GLYATL1: variants seen among roughly 807,000 people sequenced by gnomAD.
The protein encoded by GLYATL1 is glycine-N-acyltransferase like 1, also known as glycine N-acyltransferase-like protein 1.
Under a neutral mutation model 20.0 loss-of-function variants are expected in GLYATL1, and 15 were observed. That is an observed-to-expected ratio of 0.75 (90% confidence interval 0.50 to 1.15). The LOEUF (loss-of-function observed/expected upper bound fraction) is 1.15, where lower values mean the gene tolerates loss of function less well. GLYATL1 is among the 50% of genes most tolerant of loss of function. The pLI is 0.00. For missense variants in GLYATL1, 380 were observed against 368.5 expected, an observed-to-expected ratio of 1.03 and a Z score of -0.26; for synonymous variants, 151 against 131.5, an observed-to-expected ratio of 1.15 and a Z score of -1.01.
At chr11:58,927,178 C>T (rs184662793), upstream of GLYATL1, among the ~76,000 whole-genome samples, 14 of 151,348 alleles carry the variant, frequency 9.3e-5, no homozygotes, top group Admixed American at 9.2e-4. Flanking sequence ...ATGGGCCCTC[C>T]TTAATCTCTC....
intron 1 of GLYATL1, among the ~76,000 whole-genome samples, chr11:58,929,748 AC>A (rs1855532207): frequency 6.6e-6 from 1 of 152,104 alleles, no homozygotes; most frequent in South Asian, 2.1e-4. Context: ...TCATCTAAAG[AC>A]TCATGGGGAC....
At chr11:58,918,102 G>A (rs1262189571) in intron 1 of GLYATL1, among the ~76,000 whole-genome samples, 1 of 152,088 alleles carries the variant, frequency 6.6e-6, no homozygotes, top group East Asian at 1.9e-4. Context: ...CTGATACTTA[G>A]TTAGAGCCAT....
upstream of GLYATL1, among the ~76,000 whole-genome samples, chr11:58,937,190 C>T (rs1855874473): frequency 6.6e-6 from 1 of 152,164 alleles, no homozygotes; most frequent in Admixed American, 6.5e-5. Flanking sequence ...CATCTAAAGC[C>T]ACCAGCAGTG....
At chr11:58,906,475 G>T (rs967302947) in intron 1 of GLYATL1, among the ~76,000 whole-genome samples, 3 of 152,136 alleles carry the variant, frequency 2.0e-5, no homozygotes, top group African/African-American at 4.8e-5. Flanking sequence ...AGTTCCTGGG[G>T]TGTAGTGAGG....
chr11:58,933,380 C>A (rs1855687174), intron 1 of GLYATL1, among the ~76,000 whole-genome samples: 1 of 152,158 alleles, frequency 6.6e-6, no homozygotes, highest in Middle Eastern at 3.2e-3. Context: ...CTAAATGATC[C>A]AAGCCCAGCT....
At chr11:58,938,113 A>G (rs537311671), upstream of GLYATL1, among the ~76,000 whole-genome samples, 31 of 152,356 alleles carry the variant, frequency 2.0e-4, no homozygotes, top group African/African-American at 7.0e-4. Flanking sequence ...ATGCCATGCA[A>G]TATTATTGTT....
Position 58,905,758 on chromosome 11 carries a change from G to GAC in GLYATL1, n.238+97_238+98insAC. Reference sequence around the variant, plus strand: ...ACAAATAGGGAGGGTGGGCGGGTGGGCGCGCAGTCCCCTCGGCCTGGCCGT... The same window carrying GAC: ...ACAAATAGGGAGGGTGGGCGGGTGGGACCGCGCAGTCCCCTCGGCCTGGCCGT... On this transcript the variant is annotated intron_variant and non_coding_transcript_variant, in intron 1 of 1. Coordinates refer to the GLYATL1 transcript ENST00000524629. 2 of 27,562 alleles carry GAC rather than the reference G, an allele frequency of 7.3e-5. 1 individual carries two copies. The allele number at this position is 27,562 out of a possible 1,614,324, so 1.7% of individuals were successfully genotyped here.
upstream of GLYATL1, among the ~76,000 whole-genome samples, chr11:58,936,183 A>C (rs889452019): frequency 6.6e-6 from 1 of 152,256 alleles, no homozygotes; most frequent in African/African-American, 2.4e-5. Context: ...AGCCAGTACC[A>C]GGCTAGAGTG....
intron 4 of GLYATL1, among the ~76,000 whole-genome samples, chr11:58,948,321 C>T (rs1220797563): frequency 6.6e-6 from 1 of 152,078 alleles, no homozygotes; most frequent in Admixed American, 6.5e-5. Context: ...GAAACAGAAA[C>T]CAAGGCATAA....
At chr11:58,907,469 G>A (rs538183330) in exon 2 of GLYATL1, 7 of 299,652 alleles carry the variant, frequency 2.3e-5, no homozygotes, top group East Asian at 2.2e-4. Flanking sequence ...CATGTATTTC[G>A]CTCTTTTTTG....
At chr11:58,947,531 G>T in intron 3 of GLYATL1, 1 of 447,194 alleles carries the variant, frequency 2.2e-6, no homozygotes, top group Non-Finnish European at 4.0e-6. Flanking sequence ...AATGAGATGG[G>T]AATAACGTTA....
exon 2 of GLYATL1, chr11:58,907,572 T>A: frequency 2.8e-6 from 1 of 354,396 alleles, no homozygotes; most frequent in Non-Finnish European, 5.5e-6. Context: ...ACTTTTAATG[T>A]TCCTGACTAC....
At chr11:58,947,995 C>A in intron 4 of GLYATL1, 30 bp downstream of exon 4, 1 of 1,479,962 alleles carries the variant, frequency 6.8e-7, no homozygotes. Flanking sequence ...CTGGTGGAGC[C>A]AGGCAGGTCC....
downstream of GLYATL1, among the ~76,000 whole-genome samples, chr11:58,912,763 AC>A (rs34147334): frequency 7.4e-3 from 1,132 of 152,282 alleles, 9 homozygotes; most frequent in Non-Finnish European, 0.013. Flanking sequence ...CAGTCAGCAA[AC>A]TTTATTGACC....
intron 1 of GLYATL1, among the ~76,000 whole-genome samples, chr11:58,922,340 G>A (rs1855328835): frequency 6.6e-6 from 1 of 152,202 alleles, no homozygotes; most frequent in South Asian, 2.1e-4. Context: ...GTCAGAGGGA[G>A]TATGATGCTA....
intron 1 of GLYATL1, among the ~76,000 whole-genome samples, chr11:58,915,924 C>A (rs1424920725): frequency 8.7e-6 from 1 of 114,310 alleles, no homozygotes; most frequent in Non-Finnish European, 1.9e-5. Context: ...GGAAACGAAA[C>A]TTGTTAAGTT....
intron 1 of GLYATL1, among the ~76,000 whole-genome samples, chr11:58,906,007 G>A (rs1854869373): frequency 1.3e-5 from 2 of 152,236 alleles, no homozygotes; most frequent in African/African-American, 2.4e-5. Context: ...TTCCAGGCGG[G>A]AAAAGTTCAG....
At chr11:58,908,069 G>T (rs1450109189) in exon 2 of GLYATL1, 2 of 152,316 alleles carry the variant, frequency 1.3e-5, no homozygotes, top group African/African-American at 4.8e-5. Flanking sequence ...AATCTCAAGG[G>T]TTGCCCACTG....
Position 58,955,208 on chromosome 11 carries a change from G to A in GLYATL1, c.346G>A (p.Val116Met), listed in dbSNP as rs762861954. Reference sequence around the variant, plus strand: ...AGAAAGTTTAGGTGAGGGGATAAGAGTGGCTACATTTTCAAAGTCAGTGAA... The same window carrying A: ...AGAAAGTTTAGGTGAGGGGATAAGAATGGCTACATTTTCAAAGTCAGTGAA... ...LQESLGEGIR[V>M]ATFSKSVKVE... is the part of the protein sequence containing the mutation. Residue 116 changes from valine to methionine, a missense_variant, in exon 6 of 7, where the codon GTG (valine) becomes ATG (methionine). By Grantham distance (21) the Val-to-Met change is conservative (BLOSUM62 1). Coordinates refer to ENST00000532726, the MANE Select transcript of GLYATL1 (RefSeq NM_001389712.2). 17 of 1,613,930 alleles carry A rather than the reference G, an allele frequency of 1.1e-5. No homozygotes were observed. In the South Asian group the frequency reaches 1.8e-4, roughly 17 times the overall value.
Sources: allele counts gnomAD v4.1 joint callset (sites outside exome capture counted in the v4.1 genomes callset), GRCh38; gene constraint gnomAD v4.1.1; transcripts MANE v1.5; gene names NCBI Gene and HGNC (gene_info 2026-07-23, HGNC 2026-07-21).